CADM2: variants seen among roughly 807,000 people sequenced by gnomAD.
The protein encoded by CADM2 is cell adhesion molecule 2, also known as immunoglobulin superfamily member 4D.
Under a neutral mutation model 49.8 loss-of-function variants are expected in CADM2, and 12 were observed. The ratio of observed to expected loss-of-function variants is 0.24; its 90% confidence interval spans 0.15 to 0.39. CADM2 has a LOEUF of 0.39. Among genes scored for constraint, CADM2 ranks in the 10% least tolerant of loss-of-function variants. The pLI is 1.00. For missense variants in CADM2, 378 were observed against 492.3 expected (o/e 0.77, Z 2.20); for synonymous variants, 214 against 175.4 (o/e 1.22, Z -1.74).
At chr3:85,764,513 T>C (rs1469588609) in intron 2 of CADM2, among the ~76,000 whole-genome samples, 1 of 152,054 alleles carries the variant, frequency 6.6e-6, no homozygotes, top group Non-Finnish European at 1.5e-5. Flanking sequence ...GAAGCAGATA[T>C]TTTATGTTCA....
intron 1 of CADM2, among the ~76,000 whole-genome samples, chr3:85,468,679 C>G (rs1669564322): frequency 1.3e-5 from 2 of 152,144 alleles, no homozygotes; most frequent in East Asian, 1.9e-4. Context: ...TCATTTCACT[C>G]AAAGTCACAG....
chr3:85,359,666 A>ATATATATATATATATTTTTTTTT, intron 1 of CADM2, among the ~76,000 whole-genome samples: 49 of 26,540 alleles, frequency 1.8e-3, no homozygotes, highest in Non-Finnish European at 2.9e-3. Flanking sequence ...ATATATATAT[A>ATATATATATATATATTTTTTTTT]TTTTTTTTTT....
chr3:85,750,848 C>T (rs889903005), intron 2 of CADM2, among the ~76,000 whole-genome samples: 1 of 151,846 alleles, frequency 6.6e-6, no homozygotes, highest in Non-Finnish European at 1.5e-5. Context: ...ATATGTGACA[C>T]CATTTACCGT....
At chr3:85,892,192 G>T (rs936441809) in intron 5 of CADM2, among the ~76,000 whole-genome samples, 1 of 152,184 alleles carries the variant, frequency 6.6e-6, no homozygotes, top group Admixed American at 6.5e-5. Flanking sequence ...TTTTTACAAA[G>T]AAATGGTTCT....
intron 1 of CADM2, among the ~76,000 whole-genome samples, chr3:85,242,631 C>T (rs2107838955): frequency 6.6e-6 from 1 of 151,626 alleles, no homozygotes; most frequent in Admixed American, 6.6e-5. Context: ...GTTGTTTTAC[C>T]TCATCAATGT....
At chr3:85,540,802 G>A (rs995009377) in intron 1 of CADM2, among the ~76,000 whole-genome samples, 6 of 152,154 alleles carry the variant, frequency 3.9e-5, no homozygotes, top group African/African-American at 1.4e-4. Context: ...GAGGCTGGAA[G>A]TACAAGATCA....
chr3:85,134,279 T>C (rs918349021), intron 1 of CADM2, among the ~76,000 whole-genome samples: 1 of 152,322 alleles, frequency 6.6e-6, no homozygotes, highest in East Asian at 1.9e-4. Context: ...GAGCCGGCTC[T>C]GGCCTTGGCC....
chr3:85,157,597 C>T (rs1245547512), intron 1 of CADM2, among the ~76,000 whole-genome samples: 3 of 152,136 alleles, frequency 2.0e-5, no homozygotes, highest in Non-Finnish European at 4.4e-5. Context: ...GTAAAGGATT[C>T]CCTATTTAAT....
chr3:85,649,843 G>A (rs948669117), intron 1 of CADM2, among the ~76,000 whole-genome samples: 3 of 152,076 alleles, frequency 2.0e-5, no homozygotes, highest in African/African-American at 7.2e-5. Flanking sequence ...GTGAACTATG[G>A]CCAGAAGAGG....
rs34654299 is a variant in CADM2 at position 85,543,420 on chromosome 3, A to ATGTGTG, written c.62-183070_62-183065dup. Among the ~76,000 whole-genome samples, 360 of 129,636 alleles carry ATGTGTG rather than the reference A, an allele frequency of 2.8e-3. 1 individual carries two copies. Among genetic ancestry groups the ATGTGTG allele is most frequent in the African/African-American group, 7.2e-3 (255 of 35,490 alleles). 85.0% of individuals were successfully genotyped at this position (129,636 alleles called of 152,430 possible). On this transcript the variant is annotated intron_variant, in intron 1 of 9. Transcript: ENST00000383699. ...CAGGCACCGCCACCATGCCAAGCTA[A>ATGTGTG]TGTGTGTGTGTGTGTGTGTGTGTGT... is the stretch of plus-strand genomic sequence containing the variant.
At chr3:85,099,219 G>A (rs575192063) in intron 1 of CADM2, among the ~76,000 whole-genome samples, 2 of 152,198 alleles carry the variant, frequency 1.3e-5, no homozygotes, top group Admixed American at 1.3e-4. Flanking sequence ...GAGGACACCT[G>A]ACATTTAGAA....
In CADM2 at chr3:85,715,586, A is replaced by G. The variant is rs909900526; in HGVS notation, c.62-10936A>G. Among the ~76,000 whole-genome samples the G allele has an allele frequency of 2.8e-4, 43 of 152,258 alleles. No individual in the cohort carries two copies. In the Middle Eastern group the frequency reaches 0.01, roughly 36 times the overall value. ...TTTGTTACATAGATATTCATGTGCC[A>G]TGGTGGTTTGCTTCACCCATCAATC... is the stretch of plus-strand genomic sequence containing the variant. On this transcript the variant is annotated intron_variant, in intron 1 of 9. Coordinates refer to ENST00000383699, the MANE Select transcript of CADM2 (RefSeq NM_001167675.2).
intron 8 of CADM2, chr3:85,994,444 C>T (rs1345979070): frequency 6.6e-6 from 1 of 152,154 alleles, no homozygotes; most frequent in African/African-American, 2.4e-5. Context: ...AGCAATAAGG[C>T]TGTTTTGCTC....
At chr3:85,474,390 C>T (rs1054678391) in intron 1 of CADM2, among the ~76,000 whole-genome samples, 2 of 151,824 alleles carry the variant, frequency 1.3e-5, no homozygotes, top group African/African-American at 2.4e-5. Flanking sequence ...ACACCTGACT[C>T]GATGAGGCCT....
chr3:85,139,117 C>G (rs1035168713), intron 1 of CADM2, among the ~76,000 whole-genome samples: 6 of 152,034 alleles, frequency 3.9e-5, no homozygotes, highest in Admixed American at 1.3e-4. Context: ...CAGACTCAAC[C>G]CTGCCGCTAA....
chr3:85,971,261 A>T (rs948725187), intron 8 of CADM2, among the ~76,000 whole-genome samples: 8 of 151,544 alleles, frequency 5.3e-5, no homozygotes, highest in African/African-American at 1.9e-4. Context: ...ACGTTTTTTC[A>T]TGTATCATTT....
At chr3:85,470,587 G>A (rs1642814436) in intron 1 of CADM2, among the ~76,000 whole-genome samples, 1 of 152,080 alleles carries the variant, frequency 6.6e-6, no homozygotes, top group Non-Finnish European at 1.5e-5. Flanking sequence ...GTGACTACGT[G>A]ATTTTTTGGA....
chr3:85,494,452 T>C (rs2039801722), intron 1 of CADM2, among the ~76,000 whole-genome samples: 1 of 152,110 alleles, frequency 6.6e-6, no homozygotes, highest in African/African-American at 2.4e-5. Flanking sequence ...AAACCTAGAA[T>C]CTTGTGTAAT....
At chr3:85,922,572 G>A (rs1215246759) in intron 6 of CADM2, among the ~76,000 whole-genome samples, 1 of 151,872 alleles carries the variant, frequency 6.6e-6, no homozygotes, top group Non-Finnish European at 1.5e-5. Flanking sequence ...TAATTGGCAT[G>A]CATGATCCTG....
Sources: allele counts gnomAD v4.1 joint callset (sites outside exome capture counted in the v4.1 genomes callset), GRCh38; gene constraint gnomAD v4.1.1; transcripts MANE v1.5; gene names NCBI Gene and HGNC (gene_info 2026-07-23, HGNC 2026-07-21).